The following ME3 variants were observed in gnomAD, a reference collection of about 807,000 sequenced individuals.
ME3 encodes the protein NADP-dependent malic enzyme, mitochondrial.
A neutral mutation model predicts 68.9 loss-of-function variants in ME3; 48 were observed. That is an observed-to-expected ratio of 0.70 (90% CI 0.55 to 0.89). The LOEUF is 0.89. Ranked by LOEUF, ME3 falls within the 40% of genes least tolerant of loss-of-function variation. The pLI is 0.00. For missense variants in ME3, 675 were observed against 797.4 expected, an observed-to-expected ratio of 0.85 and a Z score of 1.85; for synonymous variants, 320 against 318.8, an observed-to-expected ratio of 1.00 and a Z score of -0.04.
intron 7 of ME3, among the ~76,000 whole-genome samples, chr11:86,467,102 G>A (rs958726139): frequency 6.6e-6 from 1 of 152,224 alleles, no homozygotes; most frequent in Non-Finnish European, 1.5e-5. Flanking sequence ...TGTGTACAGT[G>A]TGAAATGATA....
At chr11:86,585,428 G>A (rs992095140) in intron 2 of ME3, among the ~76,000 whole-genome samples, 4 of 152,220 alleles carry the variant, frequency 2.6e-5, no homozygotes, top group Admixed American at 6.5e-5. Flanking sequence ...CACAGGATCT[G>A]GTGATAGATG....
At chr11:86,439,926 C>T (rs967195527), downstream of ME3, among the ~76,000 whole-genome samples, 1 of 152,156 alleles carries the variant, frequency 6.6e-6, no homozygotes, top group African/African-American at 2.4e-5. Flanking sequence ...AATAGTTTTT[C>T]ATTCTCTATG....
intron 2 of ME3, among the ~76,000 whole-genome samples, chr11:86,571,140 C>T (rs1957767323): frequency 6.6e-6 from 1 of 152,206 alleles, no homozygotes; most frequent in Admixed American, 6.5e-5. Context: ...TGACTCTTTT[C>T]CCTGCAAGAT....
chr11:86,538,429 G>A (rs1955831188), intron 4 of ME3, among the ~76,000 whole-genome samples: 1 of 152,006 alleles, frequency 6.6e-6, no homozygotes, highest in Admixed American at 6.6e-5. Flanking sequence ...CTGAGTACTG[G>A]CCACTCAGTA....
At chr11:86,515,865 G>A (rs1303931631) in intron 4 of ME3, among the ~76,000 whole-genome samples, 1 of 152,184 alleles carries the variant, frequency 6.6e-6, no homozygotes, top group Non-Finnish European at 1.5e-5. Flanking sequence ...AGGCACAATG[G>A]GAGGCAGGAA....
intron 2 of ME3, among the ~76,000 whole-genome samples, chr11:86,591,007 G>A (rs750499167): frequency 2.0e-5 from 3 of 152,212 alleles, no homozygotes; most frequent in Admixed American, 6.5e-5. Context: ...TCCTTCTTGT[G>A]TGTTGGGCGA....
At chr11:86,475,125 A>G (rs1317416348) in intron 7 of ME3, among the ~76,000 whole-genome samples, 5 of 152,200 alleles carry the variant, frequency 3.3e-5, no homozygotes, top group Non-Finnish European at 7.3e-5. Context: ...CAAATCTCAT[A>G]CTGAAATGTA....
chr11:86,646,596 G>A (rs926281055), intron 2 of ME3, among the ~76,000 whole-genome samples: 4 of 152,190 alleles, frequency 2.6e-5, no homozygotes, highest in Non-Finnish European at 5.9e-5. Flanking sequence ...TGAAAGTGAC[G>A]AGGAGAATGG....
chr11:86,651,009 T>C (rs1219672202), intron 2 of ME3, among the ~76,000 whole-genome samples: 2 of 152,324 alleles, frequency 1.3e-5, no homozygotes, highest in East Asian at 1.9e-4. Flanking sequence ...AGCACAGCAG[T>C]CTGCAATCAA....
At chr11:86,552,309 C>T (rs1956729758) in intron 4 of ME3, among the ~76,000 whole-genome samples, 1 of 152,208 alleles carries the variant, frequency 6.6e-6, no homozygotes, top group Non-Finnish European at 1.5e-5. Context: ...GCTTCTACTA[C>T]CTACAACCCA....
chr11:86,581,580 C>T (rs1414852743), intron 2 of ME3, among the ~76,000 whole-genome samples: 4 of 152,160 alleles, frequency 2.6e-5, no homozygotes, highest in Admixed American at 6.5e-5. Context: ...AAGTTGATGG[C>T]AAGCAAGAGC....
At chr11:86,470,039 C>A (rs1950699301) in intron 7 of ME3, among the ~76,000 whole-genome samples, 2 of 152,212 alleles carry the variant, frequency 1.3e-5, no homozygotes, top group African/African-American at 4.8e-5. Flanking sequence ...GGTGGCTGTT[C>A]TGCCCTTCTC....
chr11:86,565,043 A>C (rs973826617), intron 2 of ME3, among the ~76,000 whole-genome samples: 20 of 152,342 alleles, frequency 1.3e-4, no homozygotes, highest in African/African-American at 4.8e-4. Flanking sequence ...ACTTGAATGG[A>C]CATTTCTCTA....
At position 86,647,115 on chromosome 11, in the gene ME3, G is replaced by C. The variant is rs147302864; in HGVS notation, c.183+24647C>G. Among the ~76,000 whole-genome samples, 1,335 of 152,202 alleles carry C rather than the reference G, an allele frequency of 8.8e-3. 26 individuals carry two copies. Among genetic ancestry groups the C allele is most frequent in the African/African-American group, 0.03 (1,248 of 41,530 alleles). The stretch of plus-strand genomic sequence containing the variant: ...CAAAAACGTATCAAAAAGTAAAGAC[G>C]ATTGACACTGTGAAGAAACTGCATC... On this transcript the variant is annotated intron_variant, in intron 2 of 14. Transcript: ENST00000543262.
chr11:86,656,462 A>G (rs1345014394), intron 2 of ME3, among the ~76,000 whole-genome samples: 1 of 152,096 alleles, frequency 6.6e-6, no homozygotes, highest in Non-Finnish European at 1.5e-5. Context: ...CATAGATCAA[A>G]CTGGGAACCA....
intron 13 of ME3, among the ~76,000 whole-genome samples, chr11:86,445,778 C>A (rs750340643): frequency 2.6e-5 from 4 of 152,034 alleles, no homozygotes; most frequent in Non-Finnish European, 1.5e-5. Flanking sequence ...TAGTAAGATA[C>A]CTGGAATAGG....
intron 2 of ME3, among the ~76,000 whole-genome samples, chr11:86,656,085 A>G (rs1203622586): frequency 4.6e-5 from 7 of 150,994 alleles, no homozygotes; most frequent in African/African-American, 7.3e-5. Flanking sequence ...CAATCATTCA[A>G]AAGTCAGGAA....
intron 2 of ME3, among the ~76,000 whole-genome samples, chr11:86,610,995 AC>A (rs1422893958): frequency 9.9e-5 from 15 of 152,162 alleles, no homozygotes; most frequent in African/African-American, 3.6e-4. Flanking sequence ...CTTCAAGCCA[AC>A]CTGACTTCCT....
intron 4 of ME3, among the ~76,000 whole-genome samples, chr11:86,548,946 G>A (rs1384818953): frequency 2.6e-5 from 4 of 152,162 alleles, no homozygotes; most frequent in South Asian, 2.1e-4. Context: ...CCTTTTGTCC[G>A]GTGATTCTCA....
Sources: allele counts gnomAD v4.1 joint callset (sites outside exome capture counted in the v4.1 genomes callset), GRCh38; gene constraint gnomAD v4.1.1; transcripts MANE v1.5; gene names NCBI Gene and HGNC (gene_info 2026-07-23, HGNC 2026-07-21).